ARHGAP15: variants seen among roughly 807,000 people sequenced by gnomAD.
The protein encoded by ARHGAP15 is rho GTPase-activating protein 15.
Under a neutral mutation model 63.7 loss-of-function variants are expected in ARHGAP15, and 51 were observed. The ratio of observed to expected loss-of-function variants is 0.80; its 90% confidence interval spans 0.64 to 1.01. The LOEUF (loss-of-function observed/expected upper bound fraction) is 1.01. Ranked by LOEUF, ARHGAP15 falls within the 50% of genes least tolerant of loss-of-function variation. The pLI is 0.00. For missense variants in ARHGAP15, 560 were observed against 564.6 expected, an observed-to-expected ratio of 0.99 and a Z score of 0.08; for synonymous variants, 191 against 193.8, an observed-to-expected ratio of 0.99 and a Z score of 0.12.
intron 6 of ARHGAP15, among the ~76,000 whole-genome samples, chr2:143,319,588 T>C (rs2105218436): frequency 6.6e-6 from 1 of 152,312 alleles, no homozygotes; most frequent in Admixed American, 6.5e-5. Context: ...CCATATTCTG[T>C]GCTCCCCAAC....
At chr2:143,466,921 A>G (rs1691242334) in intron 8 of ARHGAP15, among the ~76,000 whole-genome samples, 1 of 152,138 alleles carries the variant, frequency 6.6e-6, no homozygotes. Flanking sequence ...TTCCAAACAC[A>G]AAAATGAGTA....
chr2:143,493,390 T>G (rs1230946596), intron 9 of ARHGAP15, among the ~76,000 whole-genome samples: 3 of 152,270 alleles, frequency 2.0e-5, no homozygotes, highest in Non-Finnish European at 4.4e-5. Flanking sequence ...CCAGATTGGT[T>G]GAACATATCC....
intron 8 of ARHGAP15, among the ~76,000 whole-genome samples, chr2:143,466,053 ATTTT>A (rs879700731): frequency 6.8e-6 from 1 of 147,888 alleles, no homozygotes; most frequent in African/African-American, 2.5e-5. Context: ...GCATTCCAAA[ATTTT>A]TTTTTTTTAT....
rs181873862 is a variant in ARHGAP15 at position 143,244,450 on chromosome 2, C to T, written c.385-6061C>T. Among the ~76,000 whole-genome samples the T allele has an allele frequency of 1.5e-3, 232 of 152,128 alleles. 2 individuals carry two copies. Among genetic ancestry groups the T allele is most frequent in the African/African-American group, 5.2e-3 (216 of 41,510 alleles). On this transcript the variant is annotated intron_variant, in intron 5 of 13. Coordinates refer to ENST00000295095, the MANE Select transcript of ARHGAP15 (RefSeq NM_018460.4). ...TGTGTCTTGAAAATGAGCAAGATTA[C>T]GGCAGATGGTAGGCAAGCAGGGTAG...
intron 12 of ARHGAP15, among the ~76,000 whole-genome samples, chr2:143,674,833 G>GTGGAGGGTCTT (rs1246152592): frequency 6.6e-6 from 1 of 152,144 alleles, no homozygotes; most frequent in Non-Finnish European, 1.5e-5. Context: ...CTTTTCGCTG[G>GTGGAGGGTCTT]TGGAGGGTCT....
At chr2:143,698,369 A>G (rs376132460) in intron 12 of ARHGAP15, among the ~76,000 whole-genome samples, 6 of 152,316 alleles carry the variant, frequency 3.9e-5, no homozygotes, top group African/African-American at 1.2e-4. Flanking sequence ...TTTCATGCAG[A>G]TGAATGCAAG....
At chr2:143,336,017 T>G (rs777249530) in intron 6 of ARHGAP15, among the ~76,000 whole-genome samples, 18 of 152,112 alleles carry the variant, frequency 1.2e-4, no homozygotes, top group Non-Finnish European at 1.2e-4. Context: ...TTATTTTTTT[T>G]GAGACACGGT....
chr2:143,530,111 T>C (rs955650460), intron 10 of ARHGAP15, among the ~76,000 whole-genome samples: 1 of 152,194 alleles, frequency 6.6e-6, no homozygotes, highest in Admixed American at 6.6e-5. Context: ...AGCTTACAGA[T>C]TGACGATTCA....
At chr2:143,663,677 T>C (rs1380549131) in intron 12 of ARHGAP15, among the ~76,000 whole-genome samples, 3 of 152,100 alleles carry the variant, frequency 2.0e-5, no homozygotes, top group African/African-American at 7.2e-5. Flanking sequence ...ACCCATCTCA[T>C]GTGCAGAGAC....
At chr2:143,714,865 G>A (rs746661228) in intron 13 of ARHGAP15, among the ~76,000 whole-genome samples, 4 of 152,052 alleles carry the variant, frequency 2.6e-5, no homozygotes, top group Admixed American at 6.6e-5. Flanking sequence ...CATTTTTCTC[G>A]AAGCCATTCA....
intron 6 of ARHGAP15, among the ~76,000 whole-genome samples, chr2:143,342,722 G>A (rs1685112539): frequency 6.6e-6 from 1 of 151,916 alleles, no homozygotes; most frequent in South Asian, 2.1e-4. Context: ...TCTGGATGAG[G>A]CAAAATTGTA....
chr2:143,341,573 G>T (rs1469638008), intron 6 of ARHGAP15, among the ~76,000 whole-genome samples: 1 of 152,056 alleles, frequency 6.6e-6, no homozygotes, highest in African/African-American at 2.4e-5. Flanking sequence ...TTAGTCTAAA[G>T]TCACATGTGC....
At chr2:143,751,892 G>A (rs1447270796) in intron 13 of ARHGAP15, among the ~76,000 whole-genome samples, 1 of 152,134 alleles carries the variant, frequency 6.6e-6, no homozygotes, top group Non-Finnish European at 1.5e-5. Context: ...CTGCCTAGAT[G>A]GTGACTCTTT....
At chr2:143,625,306 T>A (rs963048927) in intron 12 of ARHGAP15, among the ~76,000 whole-genome samples, 1 of 152,110 alleles carries the variant, frequency 6.6e-6, no homozygotes, top group East Asian at 1.9e-4. Flanking sequence ...GGTCCTGTGT[T>A]GGAAAACAGC....
chr2:143,740,304 C>A (rs1447840796), intron 13 of ARHGAP15, among the ~76,000 whole-genome samples: 3 of 152,160 alleles, frequency 2.0e-5, no homozygotes, highest in Non-Finnish European at 4.4e-5. Flanking sequence ...TATGTCCTGA[C>A]CGTTGTGGCT....
At chr2:143,377,212 A>G (rs1449529142) in intron 6 of ARHGAP15, among the ~76,000 whole-genome samples, 2 of 152,020 alleles carry the variant, frequency 1.3e-5, no homozygotes, top group South Asian at 2.1e-4. Context: ...ATACTTACCA[A>G]ATGAAGTTAT....
intron 12 of ARHGAP15, among the ~76,000 whole-genome samples, chr2:143,688,818 G>C (rs752445150): frequency 2.0e-5 from 3 of 152,104 alleles, no homozygotes; most frequent in Non-Finnish European, 4.4e-5. Context: ...TGTTAGGAAA[G>C]ACTAAATGTT....
intron 6 of ARHGAP15, among the ~76,000 whole-genome samples, chr2:143,419,861 TAACAGCAATATCTAAACAA>T (rs1558959136): frequency 7.0e-6 from 1 of 142,354 alleles, no homozygotes; most frequent in Non-Finnish European, 1.5e-5. Context: ...CTAAGAAAAG[TAACAGCAATATCTAAACAA>T]AACAGCAATA....
intron 10 of ARHGAP15, among the ~76,000 whole-genome samples, chr2:143,539,933 C>T (rs1399196715): frequency 6.6e-6 from 1 of 151,794 alleles, no homozygotes; most frequent in Non-Finnish European, 1.5e-5. Context: ...CCTGGATATC[C>T]TTGTTTACTT....
Sources: gnomAD v4.1 joint callset for allele counts (sites outside exome capture counted in the v4.1 genomes callset) on GRCh38, gnomAD v4.1.1 for gene constraint, MANE v1.5 for transcripts, NCBI Gene and HGNC (gene_info 2026-07-23, HGNC 2026-07-21) for gene names.